CES5A: variants seen among roughly 807,000 people sequenced by gnomAD.
The protein encoded by CES5A is carboxylesterase 5A.
In CES5A, 67 loss-of-function variants were observed where a neutral mutation model predicts 62.9. That is an observed-to-expected ratio of 1.07 (90% confidence interval 0.88 to 1.31). The LOEUF is 1.31. CES5A is among the 50% of genes most tolerant of loss of function. The pLI, the probability that CES5A is intolerant of heterozygous loss-of-function variation, is 0.00. For synonymous variants in CES5A, 296 were observed against 280.8 expected (o/e 1.05, Z -0.54); for missense variants, 748 against 708.5 (o/e 1.06, Z -0.63).
intron 1 of CES5A, among the ~76,000 whole-genome samples, chr16:55,914,403 T>C (rs2034123901): frequency 6.6e-6 from 1 of 152,194 alleles, no homozygotes; most frequent in African/African-American, 2.4e-5. Context: ...AATCAGGATT[T>C]TGTGTTAGCC....
At chr16:55,939,544 C>G (rs2034425094) in intron 2 of CES5A, among the ~76,000 whole-genome samples, 1 of 151,978 alleles carries the variant, frequency 6.6e-6, no homozygotes. Flanking sequence ...CCCCTGACAC[C>G]CTGATGTGGT....
chr16:55,871,479 A>T (rs2033583670), intron 3 of CES5A, 146 bp downstream of exon 3: 3 of 847,178 alleles, frequency 3.5e-6, no homozygotes, highest in Admixed American at 6.0e-5. Context: ...TATCATTCAA[A>T]TGATTTTTAA....
In CES5A at chr16:55,846,273, A is replaced by G. The variant is rs2033002868; in HGVS notation, c.*178T>C. ...CTTGTTGCCTTCCAAGACAAATTGC[A>G]CTTTTTGATGTTGAAAAGAATTCTG... On this transcript the variant is annotated 3_prime_UTR_variant, in exon 13 of 13. Coordinates refer to ENST00000290567, the MANE Select transcript of CES5A (RefSeq NM_001143685.2). 2 of 605,170 alleles carry G rather than the reference A, an allele frequency of 3.3e-6. No individual in the cohort carries two copies. Among genetic ancestry groups the G allele is most frequent in the African/African-American group, 3.7e-5 (2 of 54,070 alleles). 37.5% of individuals were successfully genotyped at this position (605,170 alleles called of 1,614,324 possible). A position where few individuals can be genotyped will look rare whatever the true frequency, so the allele number is the denominator to read the frequency against.
rs750806003 is a variant in CES5A at position 55,859,629 on chromosome 16, T to C, written c.974A>G (p.Asp325Gly). 6.2e-7 allele frequency: 1 copy of C among 1,613,362 alleles called. No homozygotes were observed. The highest frequency in any genetic ancestry group is 8.5e-7 in the Non-Finnish European group (1 of 1,179,696). ...DGAFFPNEPL[D>G]LLSQKAFKAI... is the part of the protein sequence containing the mutation. ...TTTAAATGCTTTCTGAGACAATAGA[T>C]CTAGAGGCTCATTAGGAAAGAAAGC... Residue 325 changes from aspartate to glycine, a missense_variant, in exon 8 of 13, where the codon GAT becomes GGT. Transcript: ENST00000290567.
At chr16:55,952,451 A>G (rs1257217353) in intron 1 of CES5A, among the ~76,000 whole-genome samples, 1 of 152,132 alleles carries the variant, frequency 6.6e-6, no homozygotes, top group Non-Finnish European at 1.5e-5. Context: ...ACACAAAAAA[A>G]TCAATAGTAT....
intron 1 of CES5A, among the ~76,000 whole-genome samples, chr16:55,887,611 C>T (rs1807305485): frequency 6.6e-6 from 1 of 152,050 alleles, no homozygotes; most frequent in African/African-American, 2.4e-5. Flanking sequence ...AACTCTGCTG[C>T]CTTAGGTCTT....
chr16:55,921,939 G>T lies in CES5A; in HGVS notation c.-256+3384C>A, dbSNP rs534635106. On this transcript the variant is annotated intron_variant, in intron 1 of 12. Coordinates refer to the CES5A transcript ENST00000518005. ...TTATTTTTGTTTCTATTCTTTTCTT[G>T]GTGATCTAAGATAAGTTATCATGTC... Among the ~76,000 whole-genome samples, 3 of 151,760 alleles carry T rather than the reference G, an allele frequency of 2.0e-5. No individual in the cohort carries two copies. The South Asian group carries it at 6.2e-4, about 32-fold the overall frequency.
intron 4 of CES5A, chr16:55,869,361 G>T: frequency 2.1e-6 from 1 of 487,588 alleles, no homozygotes; most frequent in Non-Finnish European, 3.2e-6. Context: ...TTGACCATGA[G>T]GAAGAATGTC....
At chr16:55,853,718 G>T (rs1187396986) in intron 9 of CES5A, among the ~76,000 whole-genome samples, 3 of 152,094 alleles carry the variant, frequency 2.0e-5, no homozygotes, top group Non-Finnish European at 4.4e-5. Flanking sequence ...TAGGACATTC[G>T]ATGCTTCTCT....
intron 10 of CES5A, among the ~76,000 whole-genome samples, chr16:55,850,379 C>T (rs2093778709): frequency 6.6e-6 from 1 of 152,210 alleles, no homozygotes; most frequent in Middle Eastern, 3.2e-3. Context: ...AGACACTCCC[C>T]ATTGGCCCCA....
chr16:55,849,906 T>G, intron 10 of CES5A, 133 bp from the exon 11 acceptor site: 2 of 907,496 alleles, frequency 2.2e-6, no homozygotes, highest in Non-Finnish European at 3.2e-6. Context: ...ACTTCCCCCT[T>G]CCTCATTTGA....
At chr16:55,867,624 C>T (rs1263692076) in intron 4 of CES5A, among the ~76,000 whole-genome samples, 1 of 152,152 alleles carries the variant, frequency 6.6e-6, no homozygotes, top group Non-Finnish European at 1.5e-5. Context: ...CTGTGGCTCC[C>T]ACCCTGGTCC....
chr16:55,951,588 A>C (rs2034557912), intron 1 of CES5A, among the ~76,000 whole-genome samples: 1 of 152,218 alleles, frequency 6.6e-6, no homozygotes, highest in South Asian at 2.1e-4. Flanking sequence ...AGAGGTTAAA[A>C]ATAGAATACT....
At chr16:55,942,029 G>A (rs1034137223) in intron 2 of CES5A, among the ~76,000 whole-genome samples, 7 of 152,150 alleles carry the variant, frequency 4.6e-5, no homozygotes, top group Non-Finnish European at 8.8e-5. Context: ...AATCCATATG[G>A]AAATGAATGA....
chr16:55,945,989 TC>T (rs1275955742), intron 2 of CES5A, among the ~76,000 whole-genome samples: 1 of 152,114 alleles, frequency 6.6e-6, no homozygotes, highest in Non-Finnish European at 1.5e-5. Flanking sequence ...GCTCCTTCCT[TC>T]CTGTAAGGCA....
At chr16:55,883,337 G>T (rs2033781328) in intron 1 of CES5A, among the ~76,000 whole-genome samples, 1 of 152,080 alleles carries the variant, frequency 6.6e-6, no homozygotes. Flanking sequence ...TGCAGTGGCA[G>T]GATGGCTCAC....
chr16:55,861,380 C>A, intron 7 of CES5A, 32 bp downstream of exon 7: 1 of 1,270,996 alleles, frequency 7.9e-7, no homozygotes, highest in South Asian at 1.2e-5. Context: ...GAAGGGCAAG[C>A]CTGCCCCCAA....
intron 1 of CES5A, 125 bp from the exon 2 acceptor site, chr16:55,874,162 C>T: frequency 1.2e-6 from 1 of 814,210 alleles, no homozygotes; most frequent in Non-Finnish European, 1.9e-6. Flanking sequence ...CTGGTGGTAT[C>T]CAGGTTCCCT....
At chr16:55,884,694 T>G (rs1482803364) in intron 1 of CES5A, among the ~76,000 whole-genome samples, 1 of 152,052 alleles carries the variant, frequency 6.6e-6, no homozygotes, top group Non-Finnish European at 1.5e-5. Flanking sequence ...TGTGCTCAAG[T>G]GATTCTCCTT....
Sources: allele counts gnomAD v4.1 joint callset (sites outside exome capture counted in the v4.1 genomes callset), GRCh38; gene constraint gnomAD v4.1.1; transcripts MANE v1.5; gene names NCBI Gene and HGNC (gene_info 2026-07-23, HGNC 2026-07-21).